The following RGL1 variants were observed in gnomAD, a reference collection of about 807,000 sequenced individuals.
The protein encoded by RGL1 is ral guanine nucleotide dissociation stimulator like 1, also known as ral guanine nucleotide dissociation stimulator-like 1.
A neutral mutation model predicts 95.2 loss-of-function variants in RGL1; 24 were observed. The observed-to-expected ratio is 0.25, with a 90% CI of 0.18 to 0.35. RGL1 has a LOEUF of 0.35. Among genes scored for constraint, RGL1 ranks in the 10% least tolerant of loss-of-function variants. RGL1 has a pLI of 1.00. For synonymous variants in RGL1, 329 were observed against 344.9 expected (o/e 0.95, Z 0.51); for missense variants, 715 against 936.3 (o/e 0.76, Z 3.08).
At position 183,922,267 on chromosome 1, in the gene RGL1, C is replaced by G; in HGVS notation, c.2050C>G (p.Leu684Val). ...KTPAVIQRAM[L>V]KHNLDSDPAE... ...CCCCGCTGTGATCCAGAGAGCCATG[C>G]TGAAGCACAATCTGGACTCAGACCC... Residue 684 changes from leucine (L) to valine (V), a missense_variant, in exon 17 of 18, where the codon CTG (leucine) becomes GTG (valine). Leu to Val is a conservative substitution (Grantham distance 32). Transcript: ENST00000360851. The G allele has an allele frequency of 1.9e-6, 3 of 1,614,128 alleles. No individual in the cohort carries two copies. The highest frequency in any genetic ancestry group is 2.5e-6 in the Non-Finnish European group (3 of 1,180,024).
intron 2 of RGL1, among the ~76,000 whole-genome samples, chr1:183,749,315 C>A (rs1657848980): frequency 6.6e-6 from 1 of 152,182 alleles, no homozygotes; most frequent in Non-Finnish European, 1.5e-5. Context: ...ACATTGGTTG[C>A]ATATATATTT....
At chr1:183,885,050 T>C in intron 7 of RGL1, 112 bp downstream of exon 7, 1 of 865,918 alleles carries the variant, frequency 1.2e-6, no homozygotes, top group Non-Finnish European at 1.8e-6. Context: ...AAAGACCATA[T>C]ATGAGAGCCC....
chr1:183,806,503 G>C lies in RGL1; in HGVS notation c.138+18G>C, dbSNP rs376488974. The C allele has an allele frequency of 1.9e-6, 3 of 1,553,756 alleles. No homozygotes were observed. The highest frequency in any genetic ancestry group is 1.1e-5 in the South Asian group (1 of 89,652). ...GGCTAGGGGTGAGTAAAGCTGGCGA[G>C]ATGGTGAACTTTGGAATTTCAGTGT... is the stretch of plus-strand genomic sequence containing the variant. On this transcript the variant is annotated intron_variant, in intron 2 of 17. Coordinates refer to ENST00000360851, the MANE Select transcript of RGL1 (RefSeq NM_001297671.3).
At chr1:183,909,676 AG>A (rs1668535529) in intron 14 of RGL1, among the ~76,000 whole-genome samples, 1 of 152,198 alleles carries the variant, frequency 6.6e-6, no homozygotes, top group Non-Finnish European at 1.5e-5. Context: ...TTGGAATTCA[AG>A]CATATAATTC....
At chr1:183,793,376 C>G (rs1016676738) in intron 2 of RGL1, among the ~76,000 whole-genome samples, 2 of 152,156 alleles carry the variant, frequency 1.3e-5, no homozygotes, top group East Asian at 3.9e-4. Context: ...GATTTTATGG[C>G]TAAGACTTCA....
chr1:183,870,548 G>C (rs1254936553), intron 4 of RGL1, among the ~76,000 whole-genome samples: 1 of 152,196 alleles, frequency 6.6e-6, no homozygotes, highest in East Asian at 1.9e-4. Context: ...TTGCTGACGC[G>C]TGCTGCTGGC....
intron 1 of RGL1, among the ~76,000 whole-genome samples, chr1:183,666,883 G>T (rs1025481224): frequency 2.2e-4 from 34 of 152,214 alleles, no homozygotes; most frequent in Non-Finnish European, 4.7e-4. Context: ...GTGCTATTGA[G>T]TTCAGCTATT....
intron 2 of RGL1, among the ~76,000 whole-genome samples, chr1:183,832,795 A>G (rs1330170878): frequency 1.3e-5 from 2 of 152,208 alleles, no homozygotes; most frequent in Non-Finnish European, 2.9e-5. Flanking sequence ...TAAGGTTATT[A>G]TAAGATATAT....
intron 2 of RGL1, among the ~76,000 whole-genome samples, chr1:183,769,788 G>T (rs902549549): frequency 4.6e-5 from 7 of 152,210 alleles, no homozygotes; most frequent in Admixed American, 2.0e-4. Context: ...ATTTTTAAAG[G>T]CCAAACCTCC....
chr1:183,730,719 G>A (rs1656581233), intron 1 of RGL1, among the ~76,000 whole-genome samples: 1 of 152,104 alleles, frequency 6.6e-6, no homozygotes, highest in Non-Finnish European at 1.5e-5. Flanking sequence ...GAGGTCTGTG[G>A]CAATGAAACA....
At chr1:183,814,955 T>C (rs1483745332) in intron 2 of RGL1, among the ~76,000 whole-genome samples, 1 of 152,228 alleles carries the variant, frequency 6.6e-6, no homozygotes, top group Non-Finnish European at 1.5e-5. Context: ...AAATGCTTTA[T>C]AGTCATGACT....
At chr1:183,888,632 T>C (rs1667253479) in intron 8 of RGL1, 55 bp downstream of exon 8, 1 of 1,054,730 alleles carries the variant, frequency 9.5e-7, no homozygotes, top group Admixed American at 1.7e-5. Context: ...TTAGTGGTTG[T>C]GATGAGTCCT....
chr1:183,849,734 C>A (rs563942354), intron 3 of RGL1, among the ~76,000 whole-genome samples: 1 of 151,884 alleles, frequency 6.6e-6, no homozygotes, highest in African/African-American at 2.4e-5. Flanking sequence ...CATGATCTGC[C>A]GCCTCAGCCT....
At chr1:183,793,233 T>C (rs1443753841) in intron 2 of RGL1, among the ~76,000 whole-genome samples, 1 of 152,184 alleles carries the variant, frequency 6.6e-6, no homozygotes, top group Non-Finnish European at 1.5e-5. Flanking sequence ...TGGATGTTCA[T>C]ATGCAGAAGA....
At chr1:183,823,096 C>T (rs12137046) in intron 2 of RGL1, among the ~76,000 whole-genome samples, 38,973 of 152,058 alleles carry the variant, frequency 0.26, 5,767 homozygotes, top group East Asian at 0.4. Flanking sequence ...TTTAACACCA[C>T]ACATAATCTT....
chr1:183,659,603 G>A (rs1651460390), intron 1 of RGL1, among the ~76,000 whole-genome samples: 1 of 152,114 alleles, frequency 6.6e-6, no homozygotes, highest in Non-Finnish European at 1.5e-5. Context: ...AAAGTGACGG[G>A]GAGAATGGAA....
chr1:183,788,994 T>C (rs192954695), intron 2 of RGL1, among the ~76,000 whole-genome samples: 1 of 152,334 alleles, frequency 6.6e-6, no homozygotes, highest in Admixed American at 6.5e-5. Flanking sequence ...ATTGTTTTCT[T>C]TGGGAAGTCT....
At chr1:183,680,063 T>G (rs927155062) in intron 1 of RGL1, among the ~76,000 whole-genome samples, 1 of 152,184 alleles carries the variant, frequency 6.6e-6, no homozygotes, top group Non-Finnish European at 1.5e-5. Flanking sequence ...TTGATGGGGT[T>G]GTTTGTTTTT....
At chr1:183,924,072 A>T (rs1187686268) in intron 17 of RGL1, among the ~76,000 whole-genome samples, 1 of 152,206 alleles carries the variant, frequency 6.6e-6, no homozygotes, top group Non-Finnish European at 1.5e-5. Context: ...TTACTCAAGG[A>T]TCTAGAACCA....
Sources: gnomAD v4.1 joint callset for allele counts (sites outside exome capture counted in the v4.1 genomes callset) on GRCh38, gnomAD v4.1.1 for gene constraint, MANE v1.5 for transcripts, NCBI Gene and HGNC (gene_info 2026-07-23, HGNC 2026-07-21) for gene names.